Variants in MYBPC2 observed in about 807,000 individuals in gnomAD.
The protein encoded by MYBPC2 is myosin-binding protein C, fast-type.
Under a neutral mutation model 137.0 loss-of-function variants are expected in MYBPC2, and 122 were observed. The ratio of observed to expected loss-of-function variants is 0.89; its 90% confidence interval spans 0.77 to 1.03. The LOEUF (loss-of-function observed/expected upper bound fraction) is 1.03. Among genes scored for constraint, MYBPC2 ranks in the 50% least tolerant of loss-of-function variants. The probability of loss-of-function intolerance (pLI) is 0.00; values close to 1 mark genes in which losing one functional copy is unlikely to be tolerated. For synonymous variants in MYBPC2, 626 were observed against 612.3 expected (o/e 1.02, Z -0.33); for missense variants, 1,500 against 1,534.4 (o/e 0.98, Z 0.37).
chr19:50,440,968 G>A lies in MYBPC2; in HGVS notation c.661G>A (p.Ala221Thr), dbSNP rs779606584. The stretch of plus-strand genomic sequence containing the variant: ...GGAGATTTGGGAGCTCCTGAAAGGG[G>A]CAAAGAAGAGCGAGTACGAGAAAAT... ...PPEIWELLKG[A>T]KKSEYEKIAF... The change falls in exon 8 of 28, where the codon GCA (alanine) becomes ACA (threonine). Residue 221 changes from alanine (A) to threonine (T), a missense_variant. By Grantham distance (58) the Ala-to-Thr change is moderately conservative (BLOSUM62 0). Coordinates refer to ENST00000357701, the MANE Select transcript of MYBPC2 (RefSeq NM_004533.4). 4 of 1,613,774 alleles carry A rather than the reference G, an allele frequency of 2.5e-6. No homozygotes were observed. The highest frequency in any genetic ancestry group is 1.7e-5 in the Admixed American group (1 of 59,998).
chr19:50,458,681 A>G lies in MYBPC2; in HGVS notation c.2433A>G (p.Val811=). 1 of 1,612,196 alleles carries G rather than the reference A, an allele frequency of 6.2e-7. No individual in the cohort carries two copies. The highest frequency in any genetic ancestry group is 8.5e-7 in the Non-Finnish European group (1 of 1,179,880). Residue 811 remains valine (V), a synonymous_variant, in exon 21 of 28, where the codon GTA becomes GTG. Transcript: ENST00000357701. ...CCGGAGCCAGAATCCTCTTCCGAGT[A>G]GTTGGGGTCAACATCGCGGGGCGCA... ...LPTGARILFR[V]VGVNIAGRSE...
At chr19:50,444,967 G>A (rs1601286334) in intron 11 of MYBPC2, among the ~76,000 whole-genome samples, 1 of 151,990 alleles carries the variant, frequency 6.6e-6, no homozygotes, top group Non-Finnish European at 1.5e-5. Flanking sequence ...AGTGGTGGTG[G>A]TGGTGTGTGT....
intron 8 of MYBPC2, among the ~76,000 whole-genome samples, chr19:50,441,531 A>G (rs982151734): frequency 5.3e-5 from 8 of 152,200 alleles, no homozygotes; most frequent in African/African-American, 1.7e-4. Context: ...GGGCTGTAAC[A>G]CTGCCACCTC....
intron 27 of MYBPC2, among the ~76,000 whole-genome samples, chr19:50,464,901 G>A (rs1286816852): frequency 1.1e-4 from 16 of 152,012 alleles, no homozygotes; most frequent in Admixed American, 9.2e-4. Context: ...CAGGGGTGGC[G>A]GGAGCTCCCA....
chr19:50,452,446 GTCTA>G (rs796076911), intron 16 of MYBPC2, among the ~76,000 whole-genome samples: 1,938 of 124,566 alleles, frequency 0.016, 40 homozygotes, highest in African/African-American at 0.052. Context: ...CTATCTATCT[GTCTA>G]TCTATCTATG....
chr19:50,461,900 G>T lies in MYBPC2; in HGVS notation c.3092G>T (p.Gly1031Val). ...SKNTARILKT[G>V]ITFKPFEYKE... The stretch of plus-strand genomic sequence containing the variant: ...TTACGGGTGCATCCTCTCTCCCCAG[G>T]AATCACCTTCAAACCGTTCGAGTAT... The change falls in exon 26 of 28, where the codon GGA becomes GTA. Residue 1031 changes from glycine to valine, a missense_variant and splice_region_variant. Gly to Val is a moderately radical substitution (Grantham distance 109). Transcript: ENST00000357701. 1.3e-6 allele frequency: 2 copies of T among 1,595,822 alleles called. No individual in the cohort carries two copies. Among genetic ancestry groups the T allele is most frequent in the Non-Finnish European group, 1.7e-6 (2 of 1,170,750 alleles).
At chr19:50,442,097 G>A in intron 8 of MYBPC2, 84 bp from the exon 9 acceptor site, 1 of 1,489,706 alleles carries the variant, frequency 6.7e-7, no homozygotes, top group Non-Finnish European at 9.0e-7. Context: ...CCAGGGCCTG[G>A]GGAGGGAGAT....
Position 50,432,918 on chromosome 19 carries a change from G to A in MYBPC2, c.-36G>A. The A allele has an allele frequency of 1.9e-6, 3 of 1,602,914 alleles. No homozygotes were observed. Among genetic ancestry groups the A allele is most frequent in the Middle Eastern group, 2.2e-4 (1 of 4,620 alleles). On this transcript the variant is annotated 5_prime_UTR_variant, in exon 1 of 28. Coordinates refer to ENST00000357701, the MANE Select transcript of MYBPC2 (RefSeq NM_004533.4). The surrounding 1 kb of genome is among the most constrained non-coding windows in gnomAD (Gnocchi z 5.5). ...TCCTCCCTAGGGCCTAGCGGGACGC[G>A]GCTGCGGTCAGAGGAGCAGGAGGAG...
At position 50,436,610 on chromosome 19, in the gene MYBPC2, G is replaced by T; in HGVS notation, c.346-7G>T. 6.2e-7 allele frequency: 1 copy of T among 1,612,552 alleles called. No individual in the cohort carries two copies. The highest frequency in any genetic ancestry group is 8.5e-7 in the Non-Finnish European group (1 of 1,178,836). ...CCGTGCACCCACACCCCCGGCCCTG[G>T]ACCCAGGTGTACACCGTGGAGCTGC... is the stretch of plus-strand genomic sequence containing the variant. On this transcript the variant is annotated splice_polypyrimidine_tract_variant and splice_region_variant and intron_variant, in intron 4 of 27. Coordinates refer to ENST00000357701, the MANE Select transcript of MYBPC2 (RefSeq NM_004533.4).
chr19:50,455,123 GGAA>G lies in MYBPC2; in HGVS notation c.2038_2040del (p.Lys680del), dbSNP rs762205779. The G allele has an allele frequency of 1.2e-6, 2 of 1,612,776 alleles. No homozygotes were observed. The highest frequency in any genetic ancestry group is 8.5e-7 in the Non-Finnish European group (1 of 1,179,606). On this transcript the variant is annotated inframe_deletion, in exon 19 of 28. Transcript: ENST00000357701. ...GAGCCTCCAGGGTACCTCGTAGAGC[GGAA>G]GAAGAAGGGCTCTCAGCGCTGGATG...
chr19:50,464,441 TC>T lies in MYBPC2; in HGVS notation c.3325del (p.Arg1109AlafsTer65). 6.2e-7 allele frequency: 1 copy of T among 1,611,748 alleles called. No individual in the cohort carries two copies. Among genetic ancestry groups the T allele is most frequent in the Non-Finnish European group, 8.5e-7 (1 of 1,179,172 alleles). On this transcript the variant is annotated frameshift_variant, in exon 27 of 28. Coordinates refer to ENST00000357701, the MANE Select transcript of MYBPC2 (RefSeq NM_004533.4). LOFTEE classifies it high-confidence loss of function. ...AAGGAGTCCTGACGCTGAACATCCGTCGCCCCTCGCCCTTCGACGCTGGGAC... is the reference window on the plus strand; with the variant it reads ...AAGGAGTCCTGACGCTGAACATCCGTGCCCCTCGCCCTTCGACGCTGGGAC... ...YQGVLTLNIR[R>X]PSPFDAGTYT...
chr19:50,458,927 A>G lies in MYBPC2; in HGVS notation c.2516A>G (p.Lys839Arg), dbSNP rs1394458158. 1.2e-6 allele frequency: 2 copies of G among 1,611,614 alleles called. No homozygotes were observed. The highest frequency in any genetic ancestry group is 1.7e-6 in the Non-Finnish European group (2 of 1,179,148). ...VTIREIAEPP[K>R]IRLPRHLRQT... ...GTGTTTGCGCCCTCAGAGCCACCCA[A>G]GATCCGGCTTCCCCGCCATCTCCGC... Residue 839 changes from lysine (K) to arginine (R), a missense_variant, in exon 22 of 28, where the codon AAG (lysine) becomes AGG (arginine). Lys to Arg is a conservative substitution (Grantham distance 26). Transcript: ENST00000357701.
chr19:50,445,517 T>C (rs2039796084), intron 11 of MYBPC2, among the ~76,000 whole-genome samples: 1 of 151,708 alleles, frequency 6.6e-6, no homozygotes, highest in Non-Finnish European at 1.5e-5. Flanking sequence ...CTTAGCCTCC[T>C]GAATAGCTGG....
chr19:50,451,036 G>T lies in MYBPC2; in HGVS notation c.1579+101G>T, dbSNP rs147666655. ...TCCAGGATTAAGGTTCCCCGAGTGC[G>T]AATGAGGACGACAGCAAGCGTCTGT... On this transcript the variant is annotated intron_variant, in intron 14 of 27. Transcript: ENST00000357701. 49 of 1,137,392 alleles carry T rather than the reference G, an allele frequency of 4.3e-5. No individual in the cohort carries two copies. In the East Asian group the frequency reaches 1.2e-3, roughly 29 times the overall value. The allele number at this position is 1,137,392 out of a possible 1,614,324, so 70.5% of individuals were successfully genotyped here.
chr19:50,436,165 G>A lies in MYBPC2; in HGVS notation c.345+5G>A. 1 of 1,579,300 alleles carries A rather than the reference G, an allele frequency of 6.3e-7. No homozygotes were observed. The highest frequency in any genetic ancestry group is 8.6e-7 in the Non-Finnish European group (1 of 1,162,602). ...TCCCACAACTCCGCCAGCAATGTGA[G>A]GACCCCGTGGGCCAGAGGGCTGGTG... On this transcript the variant is annotated splice_donor_5th_base_variant and intron_variant, in intron 4 of 27. Transcript: ENST00000357701.
chr19:50,451,832 C>T (rs777238597), intron 15 of MYBPC2, 32 bp from the exon 16 acceptor site: 6 of 1,577,210 alleles, frequency 3.8e-6, no homozygotes, highest in Admixed American at 1.8e-5. Flanking sequence ...CCTCCCACTC[C>T]CAGGGTCCCT....
At position 50,435,246 on chromosome 19, in the gene MYBPC2, C is replaced by A; in HGVS notation, c.105C>A (p.Pro35=). 1 of 1,242,940 alleles carries A rather than the reference C, an allele frequency of 8.0e-7. No individual in the cohort carries two copies. Among genetic ancestry groups the A allele is most frequent in the Non-Finnish European group, 1.2e-6 (1 of 854,178 alleles). The allele number at this position is 1,242,940 out of a possible 1,614,324, so 77.0% of individuals were successfully genotyped here. ...CTAAGGAGGCTCCTGCAGAGGCCCC[C>A]AAAGGTGAGGAGGTGCTCCCTCGGG... The part of the protein sequence containing the change: ...APPKEAPAEA[P]KEAPPEDQSP... The change falls in exon 2 of 28, where the codon CCC becomes CCA. Residue 35 remains proline (P), a synonymous_variant. Transcript: ENST00000357701. This position sits in a 1 kb window ranked among gnomAD's most constrained non-coding sequence, Gnocchi z 4.8.
At chr19:50,456,597 A>AAT (rs1568666843) in intron 20 of MYBPC2, among the ~76,000 whole-genome samples, 1 of 146,762 alleles carries the variant, frequency 6.8e-6, no homozygotes, top group Non-Finnish European at 1.5e-5. Context: ...TGCCCAGCTA[A>AAT]TTTTTTTTTT....
intron 14 of MYBPC2, 62 bp downstream of exon 14, chr19:50,450,997 C>A: frequency 7.1e-7 from 1 of 1,414,970 alleles, no homozygotes; most frequent in Non-Finnish European, 9.8e-7. Context: ...GACCCAGGGC[C>A]CGGGATGTCC....
Sources: gnomAD v4.1 joint callset for allele counts (sites outside exome capture counted in the v4.1 genomes callset) on GRCh38, gnomAD v4.1.1 for gene constraint, Gnocchi (gnomAD v3.1) non-coding constraint, MANE v1.5 for transcripts, NCBI Gene and HGNC (gene_info 2026-07-23, HGNC 2026-07-21) for gene names.